PCNX4: variants seen among roughly 807,000 people sequenced by gnomAD.
PCNX4 encodes pecanex-like protein 4.
PCNX4 carries 103 observed loss-of-function variants against 107.2 expected under a neutral mutation model. That is an observed-to-expected ratio of 0.96 (90% CI 0.82 to 1.13). PCNX4 has a LOEUF of 1.13. PCNX4 is among the 50% of genes most tolerant of loss of function. The pLI is 0.00. For synonymous variants in PCNX4, 541 were observed against 481.7 expected (o/e 1.12, Z -1.61); for missense variants, 1,528 against 1,379.4 (o/e 1.11, Z -1.71).
At chr14:60,107,180 A>G (rs1895644755) in intron 1 of PCNX4, among the ~76,000 whole-genome samples, 1 of 152,196 alleles carries the variant, frequency 6.6e-6, no homozygotes, top group South Asian at 2.1e-4. Context: ...CCAGATACCC[A>G]AGACCAGCCT....
In PCNX4 at chr14:60,143,473, T is replaced by G. The variant is rs1896330865; in HGVS notation, c.*9252T>G. ...CCGTTTCCTCCCCATCCTAAGTAAC[T>G]ATTACCATACCTAAATATATATCTA... On this transcript the variant is annotated 3_prime_UTR_variant, in exon 11 of 11. Coordinates refer to ENST00000406854, the MANE Select transcript of PCNX4 (RefSeq NM_001330177.2). 6.6e-6 allele frequency: 1 copy of G among 152,246 alleles called. No homozygotes were observed. Among genetic ancestry groups the G allele is most frequent in the Admixed American group, 6.5e-5 (1 of 15,284 alleles). 9.4% of individuals were successfully genotyped at this position (152,246 alleles called of 1,614,324 possible).
At chr14:60,128,585 AATACT>A (rs1366524585) in intron 10 of PCNX4, among the ~76,000 whole-genome samples, 1 of 152,224 alleles carries the variant, frequency 6.6e-6, no homozygotes, top group African/African-American at 2.4e-5. Flanking sequence ...CCTTACAAGA[AATACT>A]AGAGTTCTTC....
chr14:60,145,026 G>A lies in PCNX4; in HGVS notation c.*10805G>A. ...AAGAGTCTGCATCCTGTAAAAGAGG[G>A]ACAGAAACATGGATCAGTACCTACT... On this transcript the variant is annotated 3_prime_UTR_variant, in exon 11 of 11. Transcript: ENST00000406854. This position sits in a 1 kb window ranked among gnomAD's most constrained non-coding sequence, Gnocchi z 4.0. 1 of 1,574,072 alleles carries A rather than the reference G, an allele frequency of 6.4e-7. No individual in the cohort carries two copies. Among genetic ancestry groups the A allele is most frequent in the Non-Finnish European group, 8.6e-7 (1 of 1,166,030 alleles).
intron 2 of PCNX4, chr14:60,108,818 G>C (rs1895681749): frequency 9.1e-6 from 1 of 110,478 alleles, no homozygotes; most frequent in Non-Finnish European, 2.6e-5. Context: ...GTAGAAAATA[G>C]TTTTTTTAAC....
chr14:60,143,115 T>C lies in PCNX4; in HGVS notation c.*8894T>C, dbSNP rs186399292. The C allele has an allele frequency of 1.3e-5, 2 of 152,410 alleles. No individual in the cohort carries two copies. Among genetic ancestry groups the C allele is most frequent in the East Asian group, 3.9e-4 (2 of 5,188 alleles). 9.4% of individuals were successfully genotyped at this position (152,410 alleles called of 1,614,324 possible). A position where few individuals can be genotyped will look rare whatever the true frequency, so the allele number is the denominator to read the frequency against. ...TAGGCAGGCACTGGAGATTCAGTGA[T>C]GAATAAAACAAAACTGACCTGGAAC... is the stretch of plus-strand genomic sequence containing the variant. On this transcript the variant is annotated 3_prime_UTR_variant, in exon 11 of 11. Coordinates refer to ENST00000406854, the MANE Select transcript of PCNX4 (RefSeq NM_001330177.2).
At chr14:60,092,767 T>C (rs1895330556) in intron 1 of PCNX4, among the ~76,000 whole-genome samples, 1 of 152,158 alleles carries the variant, frequency 6.6e-6, no homozygotes, top group African/African-American at 2.4e-5. Flanking sequence ...ACCTCTTTTG[T>C]CCGAATTGTT....
chr14:60,138,172 A>C lies in PCNX4; in HGVS notation c.*3951A>C, dbSNP rs1896264301. The C allele has an allele frequency of 6.6e-6, 1 of 152,174 alleles. No homozygotes were observed. The highest frequency in any genetic ancestry group is 1.5e-5 in the Non-Finnish European group (1 of 68,038). The allele number at this position is 152,174 out of a possible 1,614,324, so 9.4% of individuals were successfully genotyped here. ...AGTGAAGTAAGAATTAGTGAACTAG[A>C]AGTTATGTCAGAAGTAAATACCAGA... On this transcript the variant is annotated 3_prime_UTR_variant, in exon 11 of 11. Transcript: ENST00000406854.
In PCNX4 at chr14:60,138,378, C is replaced by T. The variant is rs562917016; in HGVS notation, c.*4157C>T. 6.6e-6 allele frequency: 1 copy of T among 152,184 alleles called. No individual in the cohort carries two copies. The highest frequency in any genetic ancestry group is 6.5e-5 in the Admixed American group (1 of 15,284). The allele number at this position is 152,184 out of a possible 1,614,324, so 9.4% of individuals were successfully genotyped here. A position where few individuals can be genotyped will look rare whatever the true frequency, so the allele number is the denominator to read the frequency against. ...CTCCAAGTTTTTAAGACATGAAGAC[C>T]TGCAAGATCAAAGCATGATAAATAA... On this transcript the variant is annotated 3_prime_UTR_variant, in exon 11 of 11. Coordinates refer to ENST00000406854, the MANE Select transcript of PCNX4 (RefSeq NM_001330177.2).
At chr14:60,100,526 C>T (rs547667486) in intron 1 of PCNX4, among the ~76,000 whole-genome samples, 81 of 152,202 alleles carry the variant, frequency 5.3e-4, no homozygotes, top group Non-Finnish European at 9.4e-4. Context: ...CTTGAACTCC[C>T]GACCTCAGGT....
intron 7 of PCNX4, among the ~76,000 whole-genome samples, chr14:60,120,338 G>C (rs308996): frequency 0.26 from 39,681 of 152,006 alleles, 7,632 homozygotes; most frequent in African/African-American, 0.54. Context: ...GTCTGCCTAG[G>C]ACATACCAAT....
intron 10 of PCNX4, among the ~76,000 whole-genome samples, chr14:60,130,395 C>A (rs1021745352): frequency 6.6e-6 from 1 of 151,934 alleles, no homozygotes; most frequent in South Asian, 2.1e-4. Context: ...AATCCCACAC[C>A]CTTTCATAGT....
At chr14:60,120,743 A>G (rs1409687830) in intron 7 of PCNX4, among the ~76,000 whole-genome samples, 4 of 152,222 alleles carry the variant, frequency 2.6e-5, no homozygotes, top group Non-Finnish European at 5.9e-5. Context: ...GAGAAAAACT[A>G]AATTTAAAAA....
chr14:60,118,534 C>T lies in PCNX4; in HGVS notation c.1784C>T (p.Thr595Ile). Residue 595 changes from threonine to isoleucine, a missense_variant, in exon 7 of 11, where the codon ACC (threonine) becomes ATC (isoleucine). Transcript: ENST00000406854. ...TCTTCTCCCTTACTCCCTCTTTTCACCCTTCCTGTGTTCTTGGTGGGGTTT... is the reference window on the plus strand; with the variant it reads ...TCTTCTCCCTTACTCCCTCTTTTCATCCTTCCTGTGTTCTTGGTGGGGTTT... Reference protein sequence around the residue: ...LLSSPLLPLFTLPVFLVGFPR... With the variant: ...LLSSPLLPLFILPVFLVGFPR... 6.2e-7 allele frequency: 1 copy of T among 1,613,814 alleles called. No homozygotes were observed. Among genetic ancestry groups the T allele is most frequent in the Non-Finnish European group, 8.5e-7 (1 of 1,179,862 alleles).
At chr14:60,112,064 G>A (rs1194625598) in intron 2 of PCNX4, among the ~76,000 whole-genome samples, 2 of 152,140 alleles carry the variant, frequency 1.3e-5, no homozygotes, top group East Asian at 1.9e-4. Flanking sequence ...CAGAAGAGGC[G>A]AACCCCGCAG....
chr14:60,133,701 A>G, intron 10 of PCNX4: 1 of 594,588 alleles, frequency 1.7e-6, no homozygotes, highest in East Asian at 3.7e-5. Flanking sequence ...GAAAAGGCAG[A>G]CAAAGAGAAG....
Position 60,115,171 on chromosome 14 carries a change from G to A in PCNX4, c.1067G>A (p.Cys356Tyr), listed in dbSNP as rs755528512. 1.2e-5 allele frequency: 19 copies of A among 1,613,362 alleles called. No homozygotes were observed. The highest frequency in any genetic ancestry group is 1.6e-5 in the Non-Finnish European group (19 of 1,179,506). ...GPEKHFSWKE[C>Y]LFYIIILVLA... ...GAAAAACATTTTTCATGGAAGGAAT[G>A]CCTTTTCTACATCATTATATTAGTC... Residue 356 changes from cysteine to tyrosine, a missense_variant, in exon 4 of 11, where the codon TGC (cysteine) becomes TAC (tyrosine). Coordinates refer to ENST00000406854, the MANE Select transcript of PCNX4 (RefSeq NM_001330177.2).
Position 60,124,326 on chromosome 14 carries a change from G to C in PCNX4, c.2155G>C (p.Glu719Gln), listed in dbSNP as rs770848788. ...QEYTRVCSLN[E>Q]HFGNVLTPCT... ...ATACACAAGAGTATGTTCCCTTAAT[G>C]AACACTTTGGAAATGTCTTGACACC... The change falls in exon 9 of 11, where the codon GAA becomes CAA. Residue 719 changes from glutamate (E) to glutamine (Q), a missense_variant. Glu to Gln is a conservative substitution (Grantham distance 29, BLOSUM62 2). Transcript: ENST00000406854. 1 of 1,612,210 alleles carries C rather than the reference G, an allele frequency of 6.2e-7. No homozygotes were observed. Among genetic ancestry groups the C allele is most frequent in the Non-Finnish European group, 8.5e-7 (1 of 1,178,962 alleles).
chr14:60,125,731 T>G lies in PCNX4; in HGVS notation c.3175T>G (p.Trp1059Gly). 6.2e-7 allele frequency: 1 copy of G among 1,611,474 alleles called. No individual in the cohort carries two copies. The highest frequency in any genetic ancestry group is 2.2e-5 in the East Asian group (1 of 44,696). Residue 1059 changes from tryptophan (W) to glycine (G), a missense_variant, in exon 10 of 11, where the codon TGG becomes GGG. Trp to Gly is a radical substitution (Grantham distance 184). Transcript: ENST00000406854. ...IKYLEEYERDWYIGLVSDEKW... is the reference protein window; with the variant it reads ...IKYLEEYERDGYIGLVSDEKW... ...GTACCTTGAAGAATATGAACGTGAC[T>G]GGTACATTGGTTTGGTATCTGATGA... is the stretch of plus-strand genomic sequence containing the variant.
intron 2 of PCNX4, chr14:60,110,395 C>T (rs1895718692): frequency 6.0e-6 from 1 of 167,236 alleles, no homozygotes; most frequent in Non-Finnish European, 1.5e-5. Flanking sequence ...AACTTCAGAG[C>T]CACAGAAGCA....
Sources: allele counts gnomAD v4.1 joint callset (sites outside exome capture counted in the v4.1 genomes callset), GRCh38; gene constraint gnomAD v4.1.1; non-coding constraint Gnocchi (gnomAD v3.1); transcripts MANE v1.5; gene names NCBI Gene and HGNC (gene_info 2026-07-23, HGNC 2026-07-21).